Variants in RAB7A observed in about 807,000 individuals in gnomAD.
The protein encoded by RAB7A is RAB7A, member RAS oncogene family, also known as ras-related protein Rab-7a.
In RAB7A, 2 loss-of-function variants were observed where a neutral mutation model predicts 24.5. The observed-to-expected ratio is 0.08, with a 90% CI of 0.03 to 0.26. The LOEUF (loss-of-function observed/expected upper bound fraction) is 0.26, where lower values mean the gene tolerates loss of function less well. Among genes scored for constraint, RAB7A ranks in the 10% least tolerant of loss-of-function variants. The pLI is 1.00. For missense variants in RAB7A, 118 were observed against 255.7 expected, an observed-to-expected ratio of 0.46 and a Z score of 3.67; for synonymous variants, 100 against 95.9, an observed-to-expected ratio of 1.04 and a Z score of -0.25.
chr3:128,780,883 G>T (rs555187862), intron 1 of RAB7A, among the ~76,000 whole-genome samples: 46 of 152,288 alleles, frequency 3.0e-4, no homozygotes, highest in African/African-American at 1.0e-3. Context: ...CCATGTTTCA[G>T]TGCTGCTTTG....
intron 1 of RAB7A, among the ~76,000 whole-genome samples, chr3:128,772,707 A>G (rs949266482): frequency 3.3e-5 from 5 of 152,212 alleles, no homozygotes; most frequent in Admixed American, 2.6e-4. Flanking sequence ...GGAAGACTCA[A>G]TTAAGGGTTT....
chr3:128,764,709 A>G, intron 1 of RAB7A: 8 of 804,784 alleles, frequency 9.9e-6, no homozygotes, highest in South Asian at 9.3e-5. Context: ...AATGTGATGC[A>G]CACTCCATTG....
At chr3:128,807,208 A>C (rs1576303957) in intron 4 of RAB7A, among the ~76,000 whole-genome samples, 1 of 152,228 alleles carries the variant, frequency 6.6e-6, no homozygotes, top group East Asian at 1.9e-4. Flanking sequence ...CTGTCCTGGG[A>C]TCTCTGAGGT....
intron 1 of RAB7A, among the ~76,000 whole-genome samples, chr3:128,768,995 T>A (rs1222478374): frequency 2.4e-5 from 3 of 122,876 alleles, no homozygotes; most frequent in South Asian, 2.6e-4. Flanking sequence ...TTTTTTTTTT[T>A]AAGGAAACAG....
At chr3:128,786,707 G>A (rs1404918626) in intron 1 of RAB7A, among the ~76,000 whole-genome samples, 3 of 152,140 alleles carry the variant, frequency 2.0e-5, no homozygotes, top group African/African-American at 7.2e-5. Flanking sequence ...TCACATTCTA[G>A]TAGGCAGGGT....
chr3:128,755,624 A>G (rs908409745), intron 1 of RAB7A, among the ~76,000 whole-genome samples: 1 of 152,018 alleles, frequency 6.6e-6, no homozygotes, highest in Non-Finnish European at 1.5e-5. Flanking sequence ...ATTCATAACC[A>G]CCTTTCTTTG....
chr3:128,768,818 C>G (rs975130163), intron 1 of RAB7A, among the ~76,000 whole-genome samples: 3 of 151,686 alleles, frequency 2.0e-5, no homozygotes, highest in African/African-American at 7.3e-5. Flanking sequence ...CTTAGCTTCC[C>G]AAAGTACTGG....
intron 5 of RAB7A, among the ~76,000 whole-genome samples, chr3:128,812,047 G>C (rs867696429): frequency 2.0e-5 from 3 of 152,020 alleles, no homozygotes; most frequent in Admixed American, 6.6e-5. Flanking sequence ...GTTTTTTGGG[G>C]GGTGATGAGA....
chr3:128,735,716 G>T (rs2070484362), intron 1 of RAB7A, among the ~76,000 whole-genome samples: 1 of 152,142 alleles, frequency 6.6e-6, no homozygotes, highest in African/African-American at 2.4e-5. Context: ...GCCCATTGTG[G>T]GCTCCTCTTA....
intron 1 of RAB7A, among the ~76,000 whole-genome samples, chr3:128,793,506 G>A (rs1933505829): frequency 6.6e-6 from 1 of 152,106 alleles, no homozygotes; most frequent in Non-Finnish European, 1.5e-5. Context: ...GGCTGGTCTC[G>A]AACTCCTGAC....
intron 1 of RAB7A, among the ~76,000 whole-genome samples, chr3:128,784,946 ATTTTTTTT>A (rs11287809): frequency 2.2e-5 from 3 of 135,374 alleles, no homozygotes; most frequent in Non-Finnish European, 3.2e-5. Context: ...TCATGGCATG[ATTTTTTTT>A]TTTTTTTTTT....
intron 2 of RAB7A, among the ~76,000 whole-genome samples, chr3:128,796,421 C>CA (rs1933578866): frequency 6.6e-6 from 1 of 152,138 alleles, no homozygotes; most frequent in Non-Finnish European, 1.5e-5. Flanking sequence ...CGTTGCACTG[C>CA]AGCCCGAGTG....
At chr3:128,736,904 T>C (rs879495266) in intron 1 of RAB7A, among the ~76,000 whole-genome samples, 1 of 152,148 alleles carries the variant, frequency 6.6e-6, no homozygotes, top group Non-Finnish European at 1.5e-5. Context: ...TAATAGCTAT[T>C]GGGGGAAATA....
chr3:128,800,185 T>C lies in RAB7A; in HGVS notation c.180+2116T>C, dbSNP rs373730658. Among the ~76,000 whole-genome samples the C allele has an allele frequency of 7.9e-5, 12 of 151,938 alleles. No individual in the cohort carries two copies. The East Asian group carries it at 1.2e-3, about 15-fold the overall frequency. ...AAAAGCAAAATCTTAAGAGCAACTA[T>C]AGAAAAAAAAGACATGACTTATAAA... On this transcript the variant is annotated intron_variant, in intron 3 of 5. Transcript: ENST00000265062.
chr3:128,730,165 T>A (rs2070420343), intron 1 of RAB7A, among the ~76,000 whole-genome samples: 2 of 152,326 alleles, frequency 1.3e-5, no homozygotes, highest in South Asian at 4.1e-4. Flanking sequence ...TGCTCTTAAA[T>A]CTTCTATTCT....
At chr3:128,728,502 G>T in intron 1 of RAB7A, among the ~76,000 whole-genome samples, 1 of 152,140 alleles carries the variant, frequency 6.6e-6, no homozygotes, top group Non-Finnish European at 1.5e-5. Context: ...CCCTCTTGTT[G>T]CCCAGGCTAG....
Position 128,795,170 on chromosome 3 carries a change from C to T in RAB7A, c.-8-190C>T, listed in dbSNP as rs541129363. 4.6e-5 allele frequency: 30 copies of T among 646,424 alleles called. No homozygotes were observed. The Admixed American group carries it at 4.8e-4, about 10-fold the overall frequency. 40.0% of individuals were successfully genotyped at this position (646,424 alleles called of 1,614,324 possible). Reference sequence around the variant, plus strand: ...GGATGGCCCTGCTGTGCTGTTCTGCCTCGCTCTTGGGTCCAGAGTTTTGGT... The same window carrying T: ...GGATGGCCCTGCTGTGCTGTTCTGCTTCGCTCTTGGGTCCAGAGTTTTGGT... On this transcript the variant is annotated intron_variant, in intron 1 of 5. Coordinates refer to ENST00000265062, the MANE Select transcript of RAB7A (RefSeq NM_004637.6).
intron 1 of RAB7A, among the ~76,000 whole-genome samples, chr3:128,772,344 A>G (rs1307214626): frequency 1.3e-5 from 2 of 152,364 alleles, no homozygotes; most frequent in Admixed American, 1.3e-4. Context: ...GCAGTTTCCC[A>G]TTGGAAACAT....
rs1172424777 is a variant in RAB7A at position 128,814,715 on chromosome 3, A to C, written c.*1293A>C. On this transcript the variant is annotated 3_prime_UTR_variant, in exon 6 of 6. Transcript: ENST00000265062. ...TTAACGGAGCACTTCTCCTTTTTCC[A>C]AAGGTCTACATTCTAGGGTGTGGGC... The C allele has an allele frequency of 2.6e-5, 4 of 152,616 alleles. No individual in the cohort carries two copies. Among genetic ancestry groups the C allele is most frequent in the Non-Finnish European group, 5.9e-5 (4 of 68,040 alleles). 9.5% of individuals were successfully genotyped at this position (152,616 alleles called of 1,614,324 possible). A position where few individuals can be genotyped will look rare whatever the true frequency, so the allele number is the denominator to read the frequency against.
Sources: gnomAD v4.1 joint callset for allele counts (sites outside exome capture counted in the v4.1 genomes callset) on GRCh38, gnomAD v4.1.1 for gene constraint, MANE v1.5 for transcripts, NCBI Gene and HGNC (gene_info 2026-07-23, HGNC 2026-07-21) for gene names.